Variants in EEF2K observed in about 807,000 individuals in gnomAD.
The protein encoded by EEF2K is alternative protein EEF2K.
A neutral mutation model predicts 93.8 loss-of-function variants in EEF2K; 70 were observed. That is an observed-to-expected ratio of 0.75 (90% CI 0.62 to 0.91). The LOEUF (loss-of-function observed/expected upper bound fraction) is 0.91, where lower values mean the gene tolerates loss of function less well. Ranked by LOEUF, EEF2K falls within the 40% of genes least tolerant of loss-of-function variation. EEF2K has a pLI of 0.00. For missense variants in EEF2K, 935 were observed against 972.9 expected (o/e 0.96, Z 0.52); for synonymous variants, 376 against 380.8 (o/e 0.99, Z 0.15).
chr16:22,283,813 G>C, intron 17 of EEF2K, 74 bp from the exon 18 acceptor site: 1 of 1,376,404 alleles, frequency 7.3e-7, no homozygotes, highest in Non-Finnish European at 1.0e-6. Flanking sequence ...TTCTGGGAGG[G>C]GTGATGGGGG....
Position 22,262,001 on chromosome 16 carries a change from C to CCACACACACACACACA in EEF2K, c.1300-1088_1300-1073dup, listed in dbSNP as rs71151667. Among the ~76,000 whole-genome samples, 531 of 138,076 alleles carry CCACACACACACACACA rather than the reference C, an allele frequency of 3.8e-3. 3 individuals carry two copies. The highest frequency in any genetic ancestry group is 0.013 in the African/African-American group (484 of 37,338). 90.6% of individuals were successfully genotyped at this position (138,076 alleles called of 152,430 possible). ...GCCTGGGTGACAACGTGAGACCCTG[C>CCACACACACACACACA]CACACACACACACACACACACACAC... On this transcript the variant is annotated intron_variant, in intron 11 of 17. Transcript: ENST00000263026.
intron 6 of EEF2K, among the ~76,000 whole-genome samples, chr16:22,256,035 C>T (rs1431245526): frequency 6.6e-6 from 1 of 151,680 alleles, no homozygotes; most frequent in East Asian, 2.0e-4. Flanking sequence ...TGCCTCGACA[C>T]CCTGAGTAGC....
intron 1 of EEF2K, among the ~76,000 whole-genome samples, chr16:22,211,947 G>T (rs1037867180): frequency 3.3e-5 from 5 of 150,584 alleles, no homozygotes; most frequent in Non-Finnish European, 5.9e-5. Context: ...CACTCACATG[G>T]TCTGGCCACC....
At position 22,208,670 on chromosome 16, in the gene EEF2K, C is replaced by T. The variant is rs548679424; in HGVS notation, c.-77+1991C>T. ...CCCAGCCACTTTGGGGGTGCTGAGG[C>T]GGGAGGATTGCTTGACCCCAGGAGT... On this transcript the variant is annotated intron_variant, in intron 1 of 17. Coordinates refer to ENST00000263026, the MANE Select transcript of EEF2K (RefSeq NM_013302.5). Among the ~76,000 whole-genome samples, 22 of 150,708 alleles carry T rather than the reference C, an allele frequency of 1.5e-4. No individual in the cohort carries two copies. The South Asian group carries it at 4.2e-3, about 29-fold the overall frequency.
Position 22,248,740 on chromosome 16 carries a change from G to A in EEF2K, c.348-15G>A. On this transcript the variant is annotated splice_polypyrimidine_tract_variant and intron_variant, in intron 3 of 17. Transcript: ENST00000263026. ...GTGATGGACGCTGTGCCCCATGGTGGATGGGTCTCTGCAGGTACAACGCCG... is the reference window on the plus strand; with the variant it reads ...GTGATGGACGCTGTGCCCCATGGTGAATGGGTCTCTGCAGGTACAACGCCG... 6.2e-7 allele frequency: 1 copy of A among 1,613,758 alleles called. No individual in the cohort carries two copies. Among genetic ancestry groups the A allele is most frequent in the African/African-American group, 1.3e-5 (1 of 75,020 alleles).
chr16:22,217,234 G>A (rs1390078285), intron 1 of EEF2K, among the ~76,000 whole-genome samples: 1 of 150,320 alleles, frequency 6.7e-6, no homozygotes, highest in African/African-American at 2.5e-5. Flanking sequence ...TAGATAGAGA[G>A]AGAGAGAGAG....
chr16:22,269,904 C>G (rs1449407413), intron 15 of EEF2K, among the ~76,000 whole-genome samples: 1 of 151,970 alleles, frequency 6.6e-6, no homozygotes, highest in Non-Finnish European at 1.5e-5. Flanking sequence ...TTTCACTTGA[C>G]AGTGTCCTGT....
chr16:22,233,414 C>T (rs1237024067), intron 2 of EEF2K, among the ~76,000 whole-genome samples: 2 of 151,918 alleles, frequency 1.3e-5, no homozygotes, highest in Admixed American at 1.3e-4. Flanking sequence ...TGCACTGGCT[C>T]ATGTCTGTAA....
chr16:22,231,240 C>T lies in EEF2K; in HGVS notation c.246+5265C>T, dbSNP rs113247853. Among the ~76,000 whole-genome samples, 465 of 152,128 alleles carry T rather than the reference C, an allele frequency of 3.1e-3. 2 individuals are homozygous for T. Among genetic ancestry groups the T allele is most frequent in the African/African-American group, 0.011 (449 of 41,492 alleles). ...AATAGCTGGGATTACAGCCGCCCGC[C>T]ACCACGCCTTGCTAATTTTTTATTT... On this transcript the variant is annotated intron_variant, in intron 2 of 17. Coordinates refer to ENST00000263026, the MANE Select transcript of EEF2K (RefSeq NM_013302.5).
At chr16:22,260,302 C>T (rs2047449048) in intron 10 of EEF2K, among the ~76,000 whole-genome samples, 160 bp from the exon 11 acceptor site, 1 of 152,012 alleles carries the variant, frequency 6.6e-6, no homozygotes, top group Non-Finnish European at 1.5e-5. Flanking sequence ...CTTTAGCCTC[C>T]AGGTGCTGAT....
At position 22,257,350 on chromosome 16, in the gene EEF2K, C is replaced by T. The variant is rs759899441; in HGVS notation, c.866C>T (p.Thr289Met). 6.8e-6 allele frequency: 11 copies of T among 1,613,842 alleles called. No individual in the cohort carries two copies. Among genetic ancestry groups the T allele is most frequent in the Middle Eastern group, 1.6e-4 (1 of 6,082 alleles). The stretch of plus-strand genomic sequence containing the variant: ...CTCTACACTGACCCACAGATCCACA[C>T]GGAGACGGGCACTGACTTTGGAGAC... The part of the protein sequence containing the change: ...GDLYTDPQIH[T>M]ETGTDFGDGN... The change falls in exon 8 of 18, where the codon ACG (threonine) becomes ATG (methionine). Residue 289 changes from threonine (T) to methionine (M), a missense_variant. Transcript: ENST00000263026.
chr16:22,280,070 G>T, intron 16 of EEF2K, 128 bp from the exon 17 acceptor site: 1 of 852,272 alleles, frequency 1.2e-6, no homozygotes, highest in South Asian at 2.7e-5. Flanking sequence ...CCTTGGACAA[G>T]ATAGGTCGTG....
At chr16:22,243,137 T>TA (rs1156917189) in intron 2 of EEF2K, among the ~76,000 whole-genome samples, 1 of 152,106 alleles carries the variant, frequency 6.6e-6, no homozygotes, top group African/African-American at 2.4e-5. Flanking sequence ...AAATTTATGT[T>TA]ATCTATGAAT....
rs552328259 is a variant in EEF2K at position 22,257,390 on chromosome 16, G to A, written c.901+5G>A. The A allele has an allele frequency of 1.5e-5, 24 of 1,612,470 alleles. No individual in the cohort carries two copies. Among genetic ancestry groups the A allele is most frequent in the East Asian group, 1.1e-4 (5 of 44,888 alleles). The stretch of plus-strand genomic sequence containing the variant: ...ACTTTGGAGACGGCAACCTAGGTAC[G>A]TGGGGAAAGCCAGCCTGTTTCTGCA... On this transcript the variant is annotated splice_donor_5th_base_variant and intron_variant, in intron 8 of 17. Coordinates refer to ENST00000263026, the MANE Select transcript of EEF2K (RefSeq NM_013302.5).
chr16:22,228,365 C>T (rs1268775765), intron 2 of EEF2K, among the ~76,000 whole-genome samples: 1 of 151,952 alleles, frequency 6.6e-6, no homozygotes, highest in African/African-American at 2.4e-5. Flanking sequence ...GGCTCACACC[C>T]GTAATCCCAG....
chr16:22,244,836 A>C, intron 3 of EEF2K, 106 bp downstream of exon 3: 1 of 1,139,792 alleles, frequency 8.8e-7, no homozygotes, highest in South Asian at 1.3e-5. Flanking sequence ...GGAAGGGAGT[A>C]ATCATAACAG....
At chr16:22,232,573 C>T (rs1239714170) in intron 2 of EEF2K, among the ~76,000 whole-genome samples, 7 of 152,174 alleles carry the variant, frequency 4.6e-5, no homozygotes, top group African/African-American at 1.7e-4. Flanking sequence ...TTCTGCTCTG[C>T]CTTCCGTGGG....
Position 22,256,269 on chromosome 16 carries a change from G to A in EEF2K, c.619-479G>A, listed in dbSNP as rs1442806039. ...TGTGCCACCATGCCTGGCTAATTTT[G>A]TATTTTTGGTAGAGACAGGGTTTCA... On this transcript the variant is annotated intron_variant, in intron 6 of 17. Transcript: ENST00000263026. 3.9e-5 allele frequency among the ~76,000 whole-genome samples: 6 copies of A among 152,030 alleles called. No homozygotes were observed. The East Asian group carries it at 1.2e-3, about 30-fold the overall frequency.
In EEF2K at chr16:22,287,096, G is replaced by T. The variant is rs2047760407; in HGVS notation, c.*3100G>T. The T allele has an allele frequency of 1.3e-5, 2 of 152,296 alleles. No homozygotes were observed. The highest frequency in any genetic ancestry group is 1.3e-4 in the Admixed American group (2 of 15,274). 9.4% of individuals were successfully genotyped at this position (152,296 alleles called of 1,614,324 possible). A position where few individuals can be genotyped will look rare whatever the true frequency, so the allele number is the denominator to read the frequency against. On this transcript the variant is annotated 3_prime_UTR_variant, in exon 18 of 18. Coordinates refer to ENST00000263026, the MANE Select transcript of EEF2K (RefSeq NM_013302.5). ...CACCTTCAAAACCTAGTTTGGGCTG[G>T]GTGCAGTGGCTCACGCCACTTTGGG... is the stretch of plus-strand genomic sequence containing the variant.
Sources: gnomAD v4.1 joint callset for allele counts (sites outside exome capture counted in the v4.1 genomes callset) on GRCh38, gnomAD v4.1.1 for gene constraint, MANE v1.5 for transcripts, NCBI Gene and HGNC (gene_info 2026-07-23, HGNC 2026-07-21) for gene names.